Variants in SCFD1 observed in about 807,000 individuals in gnomAD.
SCFD1 encodes sec1 family domain containing 1.
A neutral mutation model predicts 103.2 loss-of-function variants in SCFD1; 37 were observed. The ratio of observed to expected loss-of-function variants is 0.36; its 90% CI spans 0.28 to 0.47. The LOEUF (loss-of-function observed/expected upper bound fraction) is 0.47. Ranked by LOEUF, SCFD1 falls within the 20% of genes least tolerant of loss-of-function variation. The pLI is 1.00. For missense variants in SCFD1, 639 were observed against 761.2 expected (o/e 0.84, Z 1.89); for synonymous variants, 264 against 245.0 (o/e 1.08, Z -0.73).
At position 30,673,339 on chromosome 14, in the gene SCFD1, A is replaced by G. The variant is rs1888724172; in HGVS notation, c.1078A>G (p.Ser360Gly). 1 of 1,527,402 alleles carries G rather than the reference A, an allele frequency of 6.5e-7. No individual in the cohort carries two copies. Among genetic ancestry groups the G allele is most frequent in the Non-Finnish European group, 9.0e-7 (1 of 1,108,266 alleles). The allele number at this position is 1,527,402 out of a possible 1,614,324, so 94.6% of individuals were successfully genotyped here. The part of the protein sequence containing the change: ...AQEDEVKRLK[S>G]IMGLEGEDEG... The stretch of plus-strand genomic sequence containing the variant: ...GGAAGATGAGGTCAAACGACTTAAA[A>G]GCATTATGGTAAGATTCTATTTGCT... The change falls in exon 12 of 25, where the codon AGC (serine) becomes GGC (glycine). Residue 360 changes from serine to glycine, a missense_variant. Transcript: ENST00000458591.
Position 30,630,505 on chromosome 14 carries a change from A to G in SCFD1, c.161A>G (p.Asp54Gly). 1 of 1,603,804 alleles carries G rather than the reference A, an allele frequency of 6.2e-7. No homozygotes were observed. Among genetic ancestry groups the G allele is most frequent in the Non-Finnish European group, 8.5e-7 (1 of 1,171,218 alleles). Residue 54 changes from aspartate to glycine, a missense_variant, in exon 3 of 25, where the codon GAT (aspartate) becomes GGT (glycine). By Grantham distance (94) the Asp-to-Gly change is moderately conservative (BLOSUM62 -1). Coordinates refer to ENST00000458591, the MANE Select transcript of SCFD1 (RefSeq NM_016106.4). ...CTCATTTATGACAGATTTGGCCAAG[A>G]TATAATCTCTCCTCTGCTATCTGTG... ...KVLIYDRFGQ[D>G]IISPLLSVKE...
At chr14:30,664,154 C>G (rs755044930) in intron 10 of SCFD1, among the ~76,000 whole-genome samples, 1 of 152,026 alleles carries the variant, frequency 6.6e-6, no homozygotes, top group Non-Finnish European at 1.5e-5. Flanking sequence ...TACACCCGGG[C>G]GCCCCTCTGA....
chr14:30,656,440 TG>T (rs1489734946), intron 10 of SCFD1, among the ~76,000 whole-genome samples: 2 of 152,038 alleles, frequency 1.3e-5, no homozygotes, highest in South Asian at 2.1e-4. Context: ...CATTCTTTGT[TG>T]GGGGGCAGGG....
intron 10 of SCFD1, 73 bp downstream of exon 10, chr14:30,653,661 A>T: frequency 9.6e-7 from 1 of 1,042,556 alleles, no homozygotes; most frequent in South Asian, 1.4e-5. Context: ...TAAAATTAAC[A>T]TCATGGCTAC....
chr14:30,648,443 A>T (rs1886064652), intron 7 of SCFD1, among the ~76,000 whole-genome samples: 1 of 152,242 alleles, frequency 6.6e-6, no homozygotes. Flanking sequence ...TATATGAATA[A>T]TGTGTTTTCT....
chr14:30,626,783 A>G (rs544599947), intron 1 of SCFD1, among the ~76,000 whole-genome samples: 132 of 152,248 alleles, frequency 8.7e-4, no homozygotes, highest in Middle Eastern at 3.4e-3. Flanking sequence ...ACTGGAGGCA[A>G]TAAGGGTTCG....
At position 30,650,564 on chromosome 14, in the gene SCFD1, G is replaced by A. The variant is rs1410376156; in HGVS notation, c.670-1G>A. Reference sequence around the variant, plus strand: ...AGTTAATCTAAAATTTTATTTTTCAGAAACTAGACAAGAAACTTCGAGAAA... The same window carrying A: ...AGTTAATCTAAAATTTTATTTTTCAAAAACTAGACAAGAAACTTCGAGAAA... On this transcript the variant is annotated splice_acceptor_variant, in intron 8 of 24. Transcript: ENST00000458591. LOFTEE classifies it high-confidence loss of function. 1 of 1,574,802 alleles carries A rather than the reference G, an allele frequency of 6.3e-7. No homozygotes were observed. Among genetic ancestry groups the A allele is most frequent in the Non-Finnish European group, 8.7e-7 (1 of 1,146,098 alleles).
At chr14:30,659,504 G>C (rs987348272) in intron 10 of SCFD1, among the ~76,000 whole-genome samples, 2 of 152,130 alleles carry the variant, frequency 1.3e-5, no homozygotes, top group African/African-American at 2.4e-5. Flanking sequence ...TACTTTTAGA[G>C]ATTGAATGAA....
chr14:30,657,979 A>G, intron 10 of SCFD1: 1 of 402,716 alleles, frequency 2.5e-6, no homozygotes, highest in Non-Finnish European at 4.9e-6. Flanking sequence ...TTAAAAAAAA[A>G]AAGAAAAAGC....
chr14:30,716,304 T>C (rs1223849906), intron 20 of SCFD1, among the ~76,000 whole-genome samples: 2 of 152,222 alleles, frequency 1.3e-5, no homozygotes, highest in African/African-American at 2.4e-5. Flanking sequence ...TCTGTTGATA[T>C]AGTATAAAGA....
At chr14:30,649,850 A>C (rs755019139) in intron 8 of SCFD1, among the ~76,000 whole-genome samples, 8 of 152,078 alleles carry the variant, frequency 5.3e-5, no homozygotes, top group Non-Finnish European at 1.2e-4. Context: ...TTCCTCATTC[A>C]ACCTTGTCTC....
At position 30,646,829 on chromosome 14, in the gene SCFD1, G is replaced by A. The variant is rs1885879486; in HGVS notation, c.614-2699G>A. The stretch of plus-strand genomic sequence containing the variant: ...ATTCCAGAACTTCAGTTTCTTCCTT[G>A]TTAAACCTTGGCAGGTTCTATGTTT... On this transcript the variant is annotated intron_variant, in intron 7 of 24. Transcript: ENST00000458591. Among the ~76,000 whole-genome samples the A allele has an allele frequency of 1.3e-5, 2 of 151,984 alleles. 1 individual carries two copies. Among genetic ancestry groups the A allele is most frequent in the Admixed American group, 1.3e-4 (2 of 15,266 alleles).
intron 14 of SCFD1, chr14:30,683,043 G>T (rs1373705633): frequency 3.0e-6 from 4 of 1,344,248 alleles, no homozygotes; most frequent in Non-Finnish European, 4.2e-6. Context: ...GGGCAGCCTG[G>T]GTCAGGGCTC....
intron 10 of SCFD1, among the ~76,000 whole-genome samples, chr14:30,665,711 A>G (rs544955643): frequency 5.3e-5 from 8 of 152,306 alleles, no homozygotes; most frequent in African/African-American, 1.9e-4. Context: ...TACCAAGCAA[A>G]TGGAAAGCAA....
At chr14:30,703,675 C>A (rs1392938664) in intron 17 of SCFD1, among the ~76,000 whole-genome samples, 1 of 150,228 alleles carries the variant, frequency 6.7e-6, no homozygotes, top group Non-Finnish European at 1.5e-5. Flanking sequence ...GTAGTTATCT[C>A]TTGAGTGCTG....
chr14:30,635,243 A>G (rs1884606005), intron 4 of SCFD1, among the ~76,000 whole-genome samples: 1 of 152,216 alleles, frequency 6.6e-6, no homozygotes, highest in South Asian at 2.1e-4. Flanking sequence ...TTATTTAAAT[A>G]ACACCTTTAT....
At chr14:30,652,258 G>A (rs1428343347) in intron 9 of SCFD1, 5 of 152,128 alleles carry the variant, frequency 3.3e-5, no homozygotes, top group Non-Finnish European at 7.4e-5. Context: ...TGCCTCTAAA[G>A]CAGATCTCTA....
intron 9 of SCFD1, chr14:30,652,204 T>C (rs1279394753): frequency 6.6e-6 from 1 of 152,322 alleles, no homozygotes. Flanking sequence ...TGTAAACAGA[T>C]AGTGATGCCT....
chr14:30,664,730 G>A (rs900662425), intron 10 of SCFD1, among the ~76,000 whole-genome samples: 3 of 152,122 alleles, frequency 2.0e-5, no homozygotes, highest in Non-Finnish European at 4.4e-5. Context: ...ACCATGGCAC[G>A]AGAACTACGT....
Sources: gnomAD v4.1 joint callset for allele counts (sites outside exome capture counted in the v4.1 genomes callset) on GRCh38, gnomAD v4.1.1 for gene constraint, MANE v1.5 for transcripts, NCBI Gene and HGNC (gene_info 2026-07-23, HGNC 2026-07-21) for gene names.